HTRA1: variants seen among roughly 807,000 people sequenced by gnomAD.
The protein encoded by HTRA1 is HtrA serine peptidase 1.
A neutral mutation model predicts 49.7 loss-of-function variants in HTRA1; 26 were observed. The observed-to-expected ratio is 0.52, with a 90% confidence interval of 0.38 to 0.73. The LOEUF is 0.73. HTRA1 is among the 30% of genes least tolerant of loss of function. HTRA1 has a pLI of 0.00. For missense variants in HTRA1, 561 were observed against 667.2 expected (o/e 0.84, Z 1.75); for synonymous variants, 291 against 286.9 (o/e 1.01, Z -0.14).
chr10:122,508,079 G>T (rs1457750528), intron 5 of HTRA1, among the ~76,000 whole-genome samples: 1 of 152,240 alleles, frequency 6.6e-6, no homozygotes, highest in East Asian at 1.9e-4. Context: ...TGGTGCCTTG[G>T]CATCAGGTAC....
chr10:122,503,119 G>A (rs1480458798), intron 3 of HTRA1, among the ~76,000 whole-genome samples: 2 of 152,248 alleles, frequency 1.3e-5, no homozygotes, highest in Admixed American at 6.5e-5. Context: ...GTGCTTTGCT[G>A]TGGGTGGCGC....
chr10:122,486,177 A>G (rs1175966876), intron 1 of HTRA1, among the ~76,000 whole-genome samples: 1 of 152,150 alleles, frequency 6.6e-6, no homozygotes, highest in African/African-American at 2.4e-5. Context: ...TATACTCTCT[A>G]TTAAGAAACT....
In HTRA1 at chr10:122,507,345, C is replaced by T. The variant is rs748633155; in HGVS notation, c.973-25C>T. The T allele has an allele frequency of 2.5e-5, 40 of 1,604,650 alleles. 1 individual carries two copies. In the Admixed American group the frequency reaches 6.7e-4, roughly 27 times the overall value. ...AACCATGTTATGACACGATTTGTAA[C>T]CTTTTCATTTCTGTTTAATTGCAGT... On this transcript the variant is annotated intron_variant, in intron 4 of 8. Coordinates refer to ENST00000368984, the MANE Select transcript of HTRA1 (RefSeq NM_002775.5).
intron 7 of HTRA1, among the ~76,000 whole-genome samples, chr10:122,511,766 A>AG (rs2097505749): frequency 6.7e-6 from 1 of 149,132 alleles, no homozygotes; most frequent in Non-Finnish European, 1.5e-5. Context: ...AAATAAATAA[A>AG]TAATAAAGCA....
intron 1 of HTRA1, among the ~76,000 whole-genome samples, chr10:122,479,887 G>T (rs1463447890): frequency 6.6e-6 from 1 of 152,152 alleles, no homozygotes; most frequent in Non-Finnish European, 1.5e-5. Context: ...AGGCCTGCCT[G>T]AATTAGCGTA....
intron 1 of HTRA1, among the ~76,000 whole-genome samples, chr10:122,478,417 G>A (rs2097489565): frequency 9.7e-6 from 1 of 102,876 alleles, no homozygotes; most frequent in Admixed American, 1.2e-4. Context: ...TTTTGAGACG[G>A]ACTCTCACTC....
In HTRA1 at chr10:122,488,861, C is replaced by T. The variant is rs759789234; in HGVS notation, c.473-41C>T. The T allele has an allele frequency of 3.6e-5, 54 of 1,488,866 alleles. No individual in the cohort carries two copies. In the South Asian group the frequency reaches 6.0e-4, roughly 16 times the overall value. The allele number at this position is 1,488,866 out of a possible 1,614,324, so 92.2% of individuals were successfully genotyped here. On this transcript the variant is annotated intron_variant, in intron 1 of 8. Coordinates refer to ENST00000368984, the MANE Select transcript of HTRA1 (RefSeq NM_002775.5). ...CATGTCTTTCTCTAGGTGGCCACAG[C>T]AGAGTGTCATTAAGTATCTATTCTT...
chr10:122,498,181 C>G (rs1409066785), intron 3 of HTRA1, among the ~76,000 whole-genome samples: 8 of 152,096 alleles, frequency 5.3e-5, no homozygotes, highest in African/African-American at 1.9e-4. Context: ...TTCTCCTTCT[C>G]CTTCTCTTTT....
At chr10:122,492,735 A>G (rs1352638601) in intron 3 of HTRA1, among the ~76,000 whole-genome samples, 1 of 152,164 alleles carries the variant, frequency 6.6e-6, no homozygotes, top group Non-Finnish European at 1.5e-5. Context: ...TCTGGCAGCA[A>G]CAGCCGGCAT....
At chr10:122,473,715 G>A (rs1004182189) in intron 1 of HTRA1, among the ~76,000 whole-genome samples, 5 of 152,132 alleles carry the variant, frequency 3.3e-5, no homozygotes, top group East Asian at 1.9e-4. Context: ...AAGAAACCCC[G>A]TATCCATTAG....
intron 1 of HTRA1, among the ~76,000 whole-genome samples, chr10:122,477,744 C>T (rs914531568): frequency 1.3e-5 from 2 of 152,202 alleles, no homozygotes; most frequent in Admixed American, 6.5e-5. Context: ...CAGGCTGTCT[C>T]CTGCACGGTT....
intron 3 of HTRA1, among the ~76,000 whole-genome samples, chr10:122,498,057 A>G (rs1160948374): frequency 6.6e-6 from 1 of 152,244 alleles, no homozygotes; most frequent in East Asian, 1.9e-4. Context: ...CATCTGATAT[A>G]GTGTAAAGGA....
At chr10:122,511,078 T>C (rs539436987) in intron 7 of HTRA1, among the ~76,000 whole-genome samples, 51 of 152,306 alleles carry the variant, frequency 3.3e-4, no homozygotes, top group Non-Finnish European at 5.9e-4. Context: ...ATATGACCCC[T>C]GAGTGCCTCA....
At chr10:122,480,179 G>A (rs945509029) in intron 1 of HTRA1, among the ~76,000 whole-genome samples, 4 of 152,192 alleles carry the variant, frequency 2.6e-5, no homozygotes, top group African/African-American at 7.2e-5. Flanking sequence ...ACAGCTGTAC[G>A]GGGCAGAAGT....
At chr10:122,489,082 C>T (rs750770659) in intron 2 of HTRA1, 81 bp downstream of exon 2, 6 of 984,844 alleles carry the variant, frequency 6.1e-6, no homozygotes, top group Non-Finnish European at 8.2e-6. Context: ...TTTTGAGATA[C>T]ATTAAAGTGT....
At chr10:122,489,650 GGT>G in intron 3 of HTRA1, 24 bp downstream of exon 3, 1 of 1,607,232 alleles carries the variant, frequency 6.2e-7, no homozygotes, top group Non-Finnish European at 8.5e-7. Context: ...CGCCTGCAGA[GGT>G]GAGTTCTCAG....
In HTRA1 at chr10:122,464,571, C is replaced by G. The variant is rs11200640; in HGVS notation, c.472+2447C>G. 0.071 allele frequency among the ~76,000 whole-genome samples: 10,818 copies of G among 152,234 alleles called. 987 individuals are homozygous for G. Among genetic ancestry groups the G allele is most frequent in the African/African-American group, 0.21 (8,829 of 41,524 alleles). ...GAATAAATGAATGAATGAAGACAAA[C>G]GGGAGGTGCTTGCGATACACAGCCA... is the stretch of plus-strand genomic sequence containing the variant. On this transcript the variant is annotated intron_variant, in intron 1 of 8. Transcript: ENST00000368984. This position sits in a 1 kb window ranked among gnomAD's most constrained non-coding sequence, Gnocchi z 4.8.
rs549260641 is a variant in HTRA1 at position 122,499,245 on chromosome 10, G to A, written c.778-7446G>A. Among the ~76,000 whole-genome samples the A allele has an allele frequency of 2.0e-3, 309 of 152,256 alleles. 2 individuals carry two copies. The highest frequency in any genetic ancestry group is 0.01 in the Middle Eastern group (3 of 294). ...CACCCCTAGCCAGGGCACAATCAGAGGTCCAGGGGCTGGTGGGCACAATGC... is the reference window on the plus strand; with the variant it reads ...CACCCCTAGCCAGGGCACAATCAGAAGTCCAGGGGCTGGTGGGCACAATGC... On this transcript the variant is annotated intron_variant, in intron 3 of 8. Coordinates refer to ENST00000368984, the MANE Select transcript of HTRA1 (RefSeq NM_002775.5).
chr10:122,474,704 T>A (rs1042939755), intron 1 of HTRA1, among the ~76,000 whole-genome samples: 38 of 152,108 alleles, frequency 2.5e-4, no homozygotes, highest in African/African-American at 8.9e-4. Flanking sequence ...AGCAGTCAGC[T>A]GTTTCCCCGA....
Sources: allele counts gnomAD v4.1 joint callset (sites outside exome capture counted in the v4.1 genomes callset), GRCh38; gene constraint gnomAD v4.1.1; non-coding constraint Gnocchi (gnomAD v3.1); transcripts MANE v1.5; gene names NCBI Gene and HGNC (gene_info 2026-07-23, HGNC 2026-07-21).